The following GRK5 variants were observed in gnomAD, a reference collection of about 807,000 sequenced individuals.
GRK5 encodes the protein g protein-coupled receptor kinase GRK5.
In GRK5, 40 loss-of-function variants were observed where a neutral mutation model predicts 78.4. The observed-to-expected ratio is 0.51, with a 90% CI of 0.40 to 0.66. The LOEUF (loss-of-function observed/expected upper bound fraction) is 0.66, where lower values mean the gene tolerates loss of function less well. Ranked by LOEUF, GRK5 falls within the 30% of genes least tolerant of loss-of-function variation. The pLI, the probability that GRK5 is intolerant of heterozygous loss-of-function variation, is 0.00. For synonymous variants in GRK5, 289 were observed against 296.8 expected (o/e 0.97, Z 0.27); for missense variants, 598 against 759.9 (o/e 0.79, Z 2.50).
chr10:119,411,635 C>T (rs1166273460), intron 4 of GRK5, among the ~76,000 whole-genome samples: 1 of 152,118 alleles, frequency 6.6e-6, no homozygotes, highest in Non-Finnish European at 1.5e-5. Flanking sequence ...GAAATCACAA[C>T]AAATTACTGA....
intron 1 of GRK5, among the ~76,000 whole-genome samples, chr10:119,310,531 C>A (rs1225548828): frequency 6.6e-6 from 1 of 152,200 alleles, no homozygotes; most frequent in Admixed American, 6.5e-5. Context: ...CACAAAAATA[C>A]ATTAAAAAAT....
intron 4 of GRK5, among the ~76,000 whole-genome samples, chr10:119,407,087 G>T (rs905070067): frequency 3.9e-5 from 6 of 152,158 alleles, no homozygotes; most frequent in African/African-American, 1.4e-4. Context: ...CGTGCAAACA[G>T]ATAAAAAGAT....
In GRK5 at chr10:119,399,067, C is replaced by T. The variant is rs577116205; in HGVS notation, c.339+2295C>T. Among the ~76,000 whole-genome samples, 8 of 152,364 alleles carry T rather than the reference C, an allele frequency of 5.3e-5. No homozygotes were observed. The East Asian group carries it at 1.5e-3, about 29-fold the overall frequency. On this transcript the variant is annotated intron_variant, in intron 4 of 15. Transcript: ENST00000392870. ...CTGAGCTCTCCAGACCTCCCTAGCTCTGCTCAGCCTTGCCTCCATCTCCTG... is the reference window on the plus strand; with the variant it reads ...CTGAGCTCTCCAGACCTCCCTAGCTTTGCTCAGCCTTGCCTCCATCTCCTG...
At chr10:119,432,799 G>A (rs529520057) in intron 8 of GRK5, among the ~76,000 whole-genome samples, 1 of 152,316 alleles carries the variant, frequency 6.6e-6, no homozygotes, top group Non-Finnish European at 1.5e-5. Flanking sequence ...GGCCGGGCAC[G>A]GTGGCTCACG....
At chr10:119,438,211 C>T (rs887806446) in intron 9 of GRK5, among the ~76,000 whole-genome samples, 6 of 152,098 alleles carry the variant, frequency 3.9e-5, no homozygotes, top group South Asian at 2.1e-4. Flanking sequence ...CAGTCATACT[C>T]GGGAGGGGAG....
intron 1 of GRK5, among the ~76,000 whole-genome samples, chr10:119,240,927 T>A (rs1337406827): frequency 1.3e-5 from 2 of 152,196 alleles, no homozygotes; most frequent in African/African-American, 4.8e-5. Flanking sequence ...CATGACTGAA[T>A]GCTGCATATC....
intron 4 of GRK5, among the ~76,000 whole-genome samples, chr10:119,405,195 G>A (rs1421908253): frequency 6.6e-6 from 1 of 152,170 alleles, no homozygotes; most frequent in African/African-American, 2.4e-5. Context: ...CCCGGACAAG[G>A]GGGTGGACAG....
intron 1 of GRK5, among the ~76,000 whole-genome samples, chr10:119,284,021 C>T (rs372841581): frequency 1.3e-5 from 2 of 152,110 alleles, no homozygotes; most frequent in African/African-American, 4.8e-5. Flanking sequence ...CTTCGGTACT[C>T]GGATCCCCTG....
chr10:119,219,964 G>A (rs1409361503), intron 1 of GRK5, among the ~76,000 whole-genome samples: 1 of 152,208 alleles, frequency 6.6e-6, no homozygotes, highest in Non-Finnish European at 1.5e-5. Context: ...AGGAAGCCAA[G>A]CAGCTTGATC....
At chr10:119,282,483 A>G (rs960879807) in intron 1 of GRK5, among the ~76,000 whole-genome samples, 3 of 152,280 alleles carry the variant, frequency 2.0e-5, no homozygotes, top group South Asian at 2.1e-4. Context: ...CTCCCTCACC[A>G]ACCTGATGTG....
chr10:119,405,349 C>T (rs1852219057), intron 4 of GRK5, among the ~76,000 whole-genome samples: 1 of 152,122 alleles, frequency 6.6e-6, no homozygotes, highest in African/African-American at 2.4e-5. Context: ...TCCATAGATG[C>T]AGGGCTGCCT....
chr10:119,289,906 A>C (rs1849919615), intron 1 of GRK5, among the ~76,000 whole-genome samples: 1 of 152,190 alleles, frequency 6.6e-6, no homozygotes, highest in Admixed American at 6.5e-5. Context: ...CACTGTTTTA[A>C]ATGTATAGTA....
chr10:119,240,050 G>T (rs1287967349), intron 1 of GRK5, among the ~76,000 whole-genome samples: 2 of 151,982 alleles, frequency 1.3e-5, no homozygotes, highest in Non-Finnish European at 2.9e-5. Context: ...GGGACTGCTG[G>T]GTCAAATGGT....
Position 119,443,601 on chromosome 10 carries a change from GC to G in GRK5, c.1116del (p.Cys373AlafsTer6). The stretch of plus-strand genomic sequence containing the variant: ...CTGAGCCCCGACTACTGGGGCCTTG[GC>G]TGCCTCATCTATGAGATGATCGAGG... The part of the protein sequence containing the change: ...YGLSPDYWGL[G>X]CLIYEMIEGQ... On this transcript the variant is annotated frameshift_variant, in exon 12 of 16. Transcript: ENST00000392870. LOFTEE classifies it high-confidence loss of function. The G allele has an allele frequency of 6.2e-7, 1 of 1,613,480 alleles. No individual in the cohort carries two copies. Among genetic ancestry groups the G allele is most frequent in the Non-Finnish European group, 8.5e-7 (1 of 1,179,686 alleles).
chr10:119,313,018 T>TG (rs1432356820), intron 1 of GRK5, among the ~76,000 whole-genome samples: 22 of 151,612 alleles, frequency 1.5e-4, no homozygotes, highest in Admixed American at 2.0e-4. Context: ...ACGGTGATGG[T>TG]AGTGGTAATG....
chr10:119,415,287 G>A (rs537452979), intron 4 of GRK5, among the ~76,000 whole-genome samples: 35 of 152,116 alleles, frequency 2.3e-4, no homozygotes, highest in African/African-American at 7.5e-4. Flanking sequence ...GGGGTGGGAA[G>A]GAACGAAGGG....
intron 1 of GRK5, chr10:119,211,751 T>A (rs550005810): frequency 6.6e-6 from 1 of 152,332 alleles, no homozygotes; most frequent in Admixed American, 6.5e-5. Flanking sequence ...TTCCTGATCA[T>A]CAAGATTAGC....
At chr10:119,382,109 C>T (rs1216861789) in intron 3 of GRK5, among the ~76,000 whole-genome samples, 3 of 152,156 alleles carry the variant, frequency 2.0e-5, no homozygotes, top group African/African-American at 4.8e-5. Flanking sequence ...GATGCCTTCC[C>T]CTCCTCGTCC....
chr10:119,365,223 A>G (rs1173596898), intron 2 of GRK5, among the ~76,000 whole-genome samples: 1 of 152,232 alleles, frequency 6.6e-6, no homozygotes, highest in Admixed American at 6.5e-5. Flanking sequence ...TAGCTGAGAA[A>G]GCTTTAGTTT....
Sources: allele counts gnomAD v4.1 joint callset (sites outside exome capture counted in the v4.1 genomes callset), GRCh38; gene constraint gnomAD v4.1.1; transcripts MANE v1.5; gene names NCBI Gene and HGNC (gene_info 2026-07-23, HGNC 2026-07-21).